REEP5: variants seen among roughly 807,000 people sequenced by gnomAD.
REEP5 encodes receptor accessory protein 5.
In REEP5, 24 loss-of-function variants were observed where a neutral mutation model predicts 22.4. That is an observed-to-expected ratio of 1.07 (90% CI 0.78 to 1.51). REEP5 has a LOEUF of 1.51. REEP5 is among the 40% of genes most tolerant of loss of function. The probability of loss-of-function intolerance (pLI) is 0.00; values close to 1 mark genes in which losing one functional copy is unlikely to be tolerated. For synonymous variants in REEP5, 103 were observed against 88.6 expected (o/e 1.16, Z -0.92); for missense variants, 252 against 233.0 (o/e 1.08, Z -0.53).
intron 2 of REEP5, among the ~76,000 whole-genome samples, chr5:112,905,683 T>A (rs1322257939): frequency 6.6e-6 from 1 of 152,104 alleles, no homozygotes; most frequent in Admixed American, 6.5e-5. Context: ...TGCAGTGGCA[T>A]GATCACAACT....
At chr5:112,900,491 TGGACACTA>T (rs1768815558) in intron 3 of REEP5, among the ~76,000 whole-genome samples, 1 of 152,154 alleles carries the variant, frequency 6.6e-6, no homozygotes, top group African/African-American at 2.4e-5. Flanking sequence ...GGAAAACAGG[TGGACACTA>T]ACTAAAGGCA....
intron 2 of REEP5, among the ~76,000 whole-genome samples, chr5:112,905,423 C>T (rs975922820): frequency 2.0e-5 from 3 of 151,866 alleles, no homozygotes; most frequent in African/African-American, 7.3e-5. Flanking sequence ...TGCCTGTAAT[C>T]CCAGCTGCTT....
At chr5:112,886,107 G>T (rs189218247) in intron 4 of REEP5, among the ~76,000 whole-genome samples, 18 of 152,342 alleles carry the variant, frequency 1.2e-4, no homozygotes, top group Admixed American at 1.2e-3. Context: ...TGTCTAAGGA[G>T]TGATCCAATA....
chr5:112,897,840 C>G (rs1768737107), intron 3 of REEP5: 1 of 152,186 alleles, frequency 6.6e-6, no homozygotes, highest in African/African-American at 2.4e-5. Flanking sequence ...GGGCAGATCA[C>G]TTGAGGTCAG....
At chr5:112,919,038 CAT>C (rs1368089856) in intron 2 of REEP5, among the ~76,000 whole-genome samples, 1 of 152,228 alleles carries the variant, frequency 6.6e-6, no homozygotes, top group East Asian at 1.9e-4. Context: ...CAGTGCCACA[CAT>C]GTGACTGGCA....
In REEP5 at chr5:112,891,600, T is replaced by C. The variant is rs747866066; in HGVS notation, c.352-4417A>G. On this transcript the variant is annotated intron_variant, in intron 3 of 4. Coordinates refer to ENST00000379638, the MANE Select transcript of REEP5 (RefSeq NM_005669.5). ...GAACAAAATCTTCCATATATTCCCATAGGTTAAGAATGTCTGAGGGGTCAG... is the reference window on the plus strand; with the variant it reads ...GAACAAAATCTTCCATATATTCCCACAGGTTAAGAATGTCTGAGGGGTCAG... The C allele has an allele frequency of 2.0e-5, 32 of 1,562,662 alleles. No homozygotes were observed. The Admixed American group carries it at 5.0e-4, about 25-fold the overall frequency.
chr5:112,909,082 C>G (rs1769034663), intron 2 of REEP5, among the ~76,000 whole-genome samples: 1 of 151,428 alleles, frequency 6.6e-6, no homozygotes, highest in Non-Finnish European at 1.5e-5. Flanking sequence ...ATGGAATGGC[C>G]AGGGCTTTCC....
intron 2 of REEP5, among the ~76,000 whole-genome samples, chr5:112,912,072 C>T (rs1769116168): frequency 6.6e-6 from 1 of 152,164 alleles, no homozygotes; most frequent in Admixed American, 6.5e-5. Flanking sequence ...TGAGCACTTA[C>T]AGAATGCCTG....
intron 3 of REEP5, among the ~76,000 whole-genome samples, chr5:112,901,717 A>G (rs1197291502): frequency 6.6e-6 from 1 of 151,852 alleles, no homozygotes; most frequent in Non-Finnish European, 1.5e-5. Flanking sequence ...ATCTCAGAAA[A>G]AAAAAAAAGG....
chr5:112,883,254 C>T (rs929806263), intron 4 of REEP5, among the ~76,000 whole-genome samples: 3 of 152,166 alleles, frequency 2.0e-5, no homozygotes, highest in Non-Finnish European at 4.4e-5. Flanking sequence ...TTCTCTCATT[C>T]TCTCAAATCC....
chr5:112,893,094 T>TTAAAAAA (rs781185558), intron 3 of REEP5: 39 of 501,476 alleles, frequency 7.8e-5, no homozygotes, highest in African/African-American at 4.5e-4. Context: ...GTTTTGTTCT[T>TTAAAAAA]AAAAAAAAAA....
chr5:112,913,316 A>C (rs982887288), intron 2 of REEP5, among the ~76,000 whole-genome samples: 3 of 151,316 alleles, frequency 2.0e-5, no homozygotes, highest in South Asian at 2.1e-4. Context: ...GAAAGAAAGA[A>C]AGACAGACAG....
chr5:112,887,072 C>T lies in REEP5; in HGVS notation c.463G>A (p.Val155Met). The stretch of plus-strand genomic sequence containing the variant: ...GCCTTGTCTTTAAGGTCCTTGACCA[C>T]ACTGTCCATCTGGGACTCGTGCTTC... ...FLKHESQMDS[V>M]VKDLKDKAKE... is the part of the protein sequence containing the mutation. Residue 155 changes from valine to methionine, a missense_variant, in exon 4 of 5, where the codon GTG becomes ATG. Transcript: ENST00000379638. 1 of 1,613,690 alleles carries T rather than the reference C, an allele frequency of 6.2e-7. No homozygotes were observed. Among genetic ancestry groups the T allele is most frequent in the Non-Finnish European group, 8.5e-7 (1 of 1,179,836 alleles).
intron 3 of REEP5, chr5:112,897,355 A>T (rs1475942842): frequency 2.5e-5 from 1 of 40,804 alleles, no homozygotes; most frequent in Non-Finnish European, 4.9e-5. Context: ...ATCCCATCAC[A>T]CACACACACA....
chr5:112,913,344 G>C, intron 2 of REEP5, among the ~76,000 whole-genome samples: 1 of 139,552 alleles, frequency 7.2e-6, no homozygotes, highest in African/African-American at 2.7e-5. Flanking sequence ...GGAAAAGAAA[G>C]AAAAGAAAGA....
In REEP5 at chr5:112,921,636, ACACGCTGCAGTAGCAGCCCCCGCC is replaced by A. The variant is rs560978660; in HGVS notation, c.119-404_119-381del. ...CGTCCCGAGAGGCCCGGACTCCCGC[ACACGCTGCAGTAGCAGCCCCCGCC>A]CACCCGAGAGGCGCCCTCTCCGGGC... is the stretch of plus-strand genomic sequence containing the variant. On this transcript the variant is annotated intron_variant, in intron 1 of 4. Transcript: ENST00000379638. 1.9e-3 allele frequency: 569 copies of A among 291,944 alleles called. 3 individuals carry two copies. The highest frequency in any genetic ancestry group is 0.012 in the African/African-American group (540 of 44,202). 18.1% of individuals were successfully genotyped at this position (291,944 alleles called of 1,614,324 possible).
At chr5:112,890,227 C>T (rs1409919085) in intron 3 of REEP5, among the ~76,000 whole-genome samples, 3 of 150,386 alleles carry the variant, frequency 2.0e-5, no homozygotes, top group Admixed American at 2.0e-4. Flanking sequence ...GAGGTCGAGA[C>T]TGCAGTGAGC....
In REEP5 at chr5:112,878,808, C is replaced by T. The variant is rs751774620; in HGVS notation, c.548G>A (p.Gly183Asp). ...GGTTTAGGTGCTCTTCTTTTCTTCA[C>T]CCAGTAAATTCACGGTAGCTTTCTT... is the stretch of plus-strand genomic sequence containing the variant. ...EAKKATVNLL[G>D]EEKKST is the part of the protein sequence containing the mutation. Residue 183 changes from glycine to aspartate, a missense_variant, in exon 5 of 5, where the codon GGT (glycine) becomes GAT (aspartate). Coordinates refer to ENST00000379638, the MANE Select transcript of REEP5 (RefSeq NM_005669.5). 3.7e-6 allele frequency: 6 copies of T among 1,614,090 alleles called. No homozygotes were observed. In the East Asian group the frequency reaches 1.3e-4, roughly 36 times the overall value.
In REEP5 at chr5:112,887,030, C is replaced by T; in HGVS notation, c.505G>A (p.Ala169Thr). Residue 169 changes from alanine (A) to threonine (T), a missense_variant, in exon 4 of 5, where the codon GCC becomes ACC. Coordinates refer to ENST00000379638, the MANE Select transcript of REEP5 (RefSeq NM_005669.5). ...LKDKAKETAD[A>T]ITKEAKKATV... Reference sequence around the variant, plus strand: ...TGAGTCTTACCTTCTTTAGTGATGGCATCTGCAGTCTCTTTGGCCTTGTCT... The same window carrying T: ...TGAGTCTTACCTTCTTTAGTGATGGTATCTGCAGTCTCTTTGGCCTTGTCT... The T allele has an allele frequency of 6.2e-7, 1 of 1,607,978 alleles. No individual in the cohort carries two copies.
Sources: allele counts gnomAD v4.1 joint callset (sites outside exome capture counted in the v4.1 genomes callset), GRCh38; gene constraint gnomAD v4.1.1; transcripts MANE v1.5; gene names NCBI Gene and HGNC (gene_info 2026-07-23, HGNC 2026-07-21).